Variants in ELOVL6 observed in about 807,000 individuals in gnomAD.
The protein encoded by ELOVL6 is very long chain fatty acid elongase 6.
Under a neutral mutation model 31.7 loss-of-function variants are expected in ELOVL6, and 8 were observed. That is an observed-to-expected ratio of 0.25 (90% CI 0.15 to 0.45). The LOEUF is 0.45. ELOVL6 is among the 20% of genes least tolerant of loss of function. The pLI, the probability that ELOVL6 is intolerant of heterozygous loss-of-function variation, is 1.00. For synonymous variants in ELOVL6, 101 were observed against 117.7 expected (o/e 0.86, Z 0.92); for missense variants, 126 against 326.4 (o/e 0.39, Z 4.73).
intron 2 of ELOVL6, among the ~76,000 whole-genome samples, chr4:110,080,300 T>G (rs1755795744): frequency 6.6e-6 from 1 of 152,152 alleles, no homozygotes; most frequent in Non-Finnish European, 1.5e-5. Context: ...AAAGAGAATT[T>G]TAGACCAATA....
At position 110,048,154 on chromosome 4, in the gene ELOVL6, A is replaced by G. The variant is rs919115027; in HGVS notation, c.*3184T>C. 1 of 152,136 alleles carries G rather than the reference A, an allele frequency of 6.6e-6. No individual in the cohort carries two copies. Among genetic ancestry groups the G allele is most frequent in the African/African-American group, 2.4e-5 (1 of 41,424 alleles). 9.4% of individuals were successfully genotyped at this position (152,136 alleles called of 1,614,324 possible). ...TCTTCTCCCCTTACTTTTGTAGTGG[A>G]GCATAATTAGAAGGATGGGAGTAAG... On this transcript the variant is annotated 3_prime_UTR_variant, in exon 4 of 4. Coordinates refer to ENST00000302274, the MANE Select transcript of ELOVL6 (RefSeq NM_024090.3).
chr4:110,094,730 T>C (rs1045654126), intron 2 of ELOVL6, among the ~76,000 whole-genome samples: 1 of 151,842 alleles, frequency 6.6e-6, no homozygotes, highest in African/African-American at 2.4e-5. Context: ...ACATCAGTCT[T>C]TGATTTCTTG....
intron 1 of ELOVL6, among the ~76,000 whole-genome samples, chr4:110,128,513 G>A (rs1757576659): frequency 1.3e-5 from 2 of 152,164 alleles, no homozygotes; most frequent in South Asian, 2.1e-4. Context: ...GACAACAGCA[G>A]GCCTTGTAGG....
rs1314258362 is a variant in ELOVL6, at chr4:110,127,418, A to AAAAAG, written c.90-21791_90-21790insCTTTT. ...CGAGATTCCGTCTCAAAAAAAAAAA[A>AAAAAG]AAAAAAAGAAAAGAAGGTAAGCCTA... On this transcript the variant is annotated intron_variant, in intron 1 of 3. Transcript: ENST00000302274. Among the ~76,000 whole-genome samples, 399 of 150,972 alleles carry AAAAAG rather than the reference A, an allele frequency of 2.6e-3. 24 individuals carry two copies. In the East Asian group the frequency reaches 0.061, roughly 23 times the overall value.
At chr4:110,083,552 T>G (rs981760471) in intron 2 of ELOVL6, among the ~76,000 whole-genome samples, 3 of 151,652 alleles carry the variant, frequency 2.0e-5, no homozygotes, top group Non-Finnish European at 4.4e-5. Context: ...GAGATAGTAA[T>G]AATTATACAA....
chr4:110,056,123 G>T (rs930322395), intron 3 of ELOVL6, among the ~76,000 whole-genome samples: 1 of 60,464 alleles, frequency 1.7e-5, no homozygotes, highest in Non-Finnish European at 3.2e-5. Context: ...TGTGGGAGCT[G>T]GGGGGGGGGA....
chr4:110,094,213 C>T (rs1756499755), intron 2 of ELOVL6, among the ~76,000 whole-genome samples: 1 of 147,294 alleles, frequency 6.8e-6, no homozygotes, highest in Non-Finnish European at 1.5e-5. Flanking sequence ...TGTGCCACTG[C>T]ACTCCAGCCT....
chr4:110,188,427 C>A (rs1759509389), intron 1 of ELOVL6, among the ~76,000 whole-genome samples: 1 of 152,026 alleles, frequency 6.6e-6, no homozygotes, highest in South Asian at 2.1e-4. Context: ...ATGATTGGGG[C>A]CTTGTGACAC....
At chr4:110,129,640 T>C (rs1352451237) in intron 1 of ELOVL6, among the ~76,000 whole-genome samples, 1 of 152,244 alleles carries the variant, frequency 6.6e-6, no homozygotes, top group Non-Finnish European at 1.5e-5. Context: ...TTTATTCCTT[T>C]GCTCTTCTCT....
intron 1 of ELOVL6, among the ~76,000 whole-genome samples, chr4:110,173,700 T>A (rs1038654454): frequency 1.8e-5 from 2 of 112,948 alleles, no homozygotes; most frequent in African/African-American, 6.8e-5. Context: ...ATAATAATAA[T>A]AATAAATTCC....
intron 1 of ELOVL6, among the ~76,000 whole-genome samples, chr4:110,196,305 T>C (rs1759779272): frequency 6.6e-6 from 1 of 152,122 alleles, no homozygotes; most frequent in African/African-American, 2.4e-5. Context: ...CACAGGCTAA[T>C]GCGGGAGGAC....
chr4:110,066,637 CAAAAAAAA>C lies in ELOVL6; in HGVS notation c.222-6891_222-6884del, dbSNP rs1209180349. Among the ~76,000 whole-genome samples the C allele has an allele frequency of 4.6e-3, 260 of 56,570 alleles. 2 individuals carry two copies. The highest frequency in any genetic ancestry group is 0.012 in the African/African-American group (247 of 19,818). The allele number at this position is 56,570 out of a possible 152,430, so 37.1% of individuals were successfully genotyped here. ...CTGGGCGACAGAGACTCTGTCTCAA[CAAAAAAAA>C]AAAAAAAAAAAAAAAAAAGAATTAT... On this transcript the variant is annotated intron_variant, in intron 2 of 3. Coordinates refer to ENST00000302274, the MANE Select transcript of ELOVL6 (RefSeq NM_024090.3).
At chr4:110,109,828 T>A (rs955914153) in intron 1 of ELOVL6, among the ~76,000 whole-genome samples, 2 of 152,234 alleles carry the variant, frequency 1.3e-5, no homozygotes, top group African/African-American at 4.8e-5. Context: ...ATAGGATAAT[T>A]GCTAATGAAT....
intron 1 of ELOVL6, chr4:110,146,404 G>GA (rs1178149759): frequency 1.3e-5 from 2 of 152,202 alleles, no homozygotes; most frequent in East Asian, 1.9e-4. Flanking sequence ...GCTTAACCCA[G>GA]AAAAAATCAT....
chr4:110,117,531 C>T (rs941029728), intron 1 of ELOVL6, among the ~76,000 whole-genome samples: 2 of 152,014 alleles, frequency 1.3e-5, no homozygotes, highest in African/African-American at 4.8e-5. Flanking sequence ...GAATTAGGTT[C>T]ACTTCTGACT....
At chr4:110,084,432 T>TCACATATGATATATCA (rs1553956179) in intron 2 of ELOVL6, among the ~76,000 whole-genome samples, 1 of 120,278 alleles carries the variant, frequency 8.3e-6, no homozygotes, top group African/African-American at 3.4e-5. Context: ...ATCACATATA[T>TCACATATGATATATCA]CATATATGAT....
chr4:110,188,222 A>G (rs1242826571), intron 1 of ELOVL6, among the ~76,000 whole-genome samples: 1 of 152,220 alleles, frequency 6.6e-6, no homozygotes, highest in Admixed American at 6.5e-5. Context: ...CAGAGCAGAC[A>G]GTAAATATTT....
chr4:110,084,283 T>TAACTTATATGTGATATATAACAC (rs1756097102), intron 2 of ELOVL6, among the ~76,000 whole-genome samples: 1 of 124,948 alleles, frequency 8.0e-6, no homozygotes, highest in Admixed American at 8.8e-5. Flanking sequence ...ATATAACATA[T>TAACTTATATGTGATATATAACAC]ATAACTTATA....
At chr4:110,167,945 G>A (rs1235108001) in intron 1 of ELOVL6, among the ~76,000 whole-genome samples, 1 of 152,022 alleles carries the variant, frequency 6.6e-6, no homozygotes, top group Non-Finnish European at 1.5e-5. Context: ...AACATATCCA[G>A]GCAATTAAGG....
Sources: allele counts gnomAD v4.1 joint callset (sites outside exome capture counted in the v4.1 genomes callset), GRCh38; gene constraint gnomAD v4.1.1; transcripts MANE v1.5; gene names NCBI Gene and HGNC (gene_info 2026-07-23, HGNC 2026-07-21).